The following LCLAT1 variants were observed in gnomAD, a reference collection of about 807,000 sequenced individuals.
LCLAT1 encodes 1-AGP acyltransferase 8.
A neutral mutation model predicts 30.7 loss-of-function variants in LCLAT1; 11 were observed. The ratio of observed to expected loss-of-function variants is 0.36; its 90% CI spans 0.23 to 0.59. The LOEUF (loss-of-function observed/expected upper bound fraction) is 0.59, where lower values mean the gene tolerates loss of function less well. LCLAT1 is among the 20% of genes least tolerant of loss of function. The pLI is 0.77. For synonymous variants in LCLAT1, 155 were observed against 151.3 expected (o/e 1.02, Z -0.18); for missense variants, 402 against 458.6 (o/e 0.88, Z 1.13).
At chr2:30,608,181 C>T (rs577560224) in intron 5 of LCLAT1, among the ~76,000 whole-genome samples, 14 of 151,422 alleles carry the variant, frequency 9.2e-5, no homozygotes, top group African/African-American at 2.4e-4. Flanking sequence ...ATTAGCTGGG[C>T]GTGGTGGCAG....
intron 5 of LCLAT1, among the ~76,000 whole-genome samples, chr2:30,614,572 G>T (rs2148509169): frequency 6.6e-6 from 1 of 152,186 alleles, no homozygotes; most frequent in African/African-American, 2.4e-5. Flanking sequence ...CAAAGACTGT[G>T]GTAAGTACAG....
intron 5 of LCLAT1, among the ~76,000 whole-genome samples, chr2:30,618,810 C>T (rs1385543286): frequency 6.6e-6 from 1 of 152,164 alleles, no homozygotes; most frequent in Admixed American, 6.5e-5. Flanking sequence ...AATCTACTTA[C>T]CAGTTCTAGT....
Position 30,640,100 on chromosome 2 carries a change from A to G in LCLAT1, c.629-17A>G. 1 of 1,595,126 alleles carries G rather than the reference A, an allele frequency of 6.3e-7. No homozygotes were observed. The highest frequency in any genetic ancestry group is 8.5e-7 in the Non-Finnish European group (1 of 1,170,428). ...TGAGCACTGCTTAATCTATGTTTTCATCTTTTCGAAACCCAGGTAAGAACC... is the reference window on the plus strand; with the variant it reads ...TGAGCACTGCTTAATCTATGTTTTCGTCTTTTCGAAACCCAGGTAAGAACC... On this transcript the variant is annotated splice_polypyrimidine_tract_variant and intron_variant, in intron 5 of 5. Coordinates refer to ENST00000379509, the MANE Select transcript of LCLAT1 (RefSeq NM_001002257.3).
chr2:30,476,519 A>G (rs1683054159), intron 1 of LCLAT1: 3 of 456,222 alleles, frequency 6.6e-6, no homozygotes, highest in Non-Finnish European at 1.3e-5. Flanking sequence ...TCTAGGTTGC[A>G]TGTTCCTTAG....
chr2:30,576,850 T>G (rs1666010523), intron 5 of LCLAT1, among the ~76,000 whole-genome samples: 2 of 151,986 alleles, frequency 1.3e-5, no homozygotes, highest in African/African-American at 4.8e-5. Flanking sequence ...GAACCTTTTT[T>G]TGCATTTTTT....
intron 3 of LCLAT1, among the ~76,000 whole-genome samples, chr2:30,538,985 A>G (rs960229539): frequency 2.8e-5 from 4 of 144,390 alleles, no homozygotes; most frequent in African/African-American, 1.0e-4. Flanking sequence ...TTTGAGATGT[A>G]GTCTGGCTCT....
intron 1 of LCLAT1, among the ~76,000 whole-genome samples, chr2:30,480,614 A>G (rs187227016): frequency 1.3e-5 from 2 of 152,260 alleles, no homozygotes; most frequent in East Asian, 1.9e-4. Context: ...CATGCAGGGT[A>G]TGATGCTTCA....
intron 1 of LCLAT1, among the ~76,000 whole-genome samples, chr2:30,488,296 C>A (rs1180037653): frequency 6.6e-6 from 1 of 152,208 alleles, no homozygotes; most frequent in East Asian, 1.9e-4. Context: ...AAATTTCCAA[C>A]ACTAAAATTT....
intron 5 of LCLAT1, among the ~76,000 whole-genome samples, chr2:30,584,748 A>C (rs1447367883): frequency 6.6e-6 from 1 of 152,190 alleles, no homozygotes; most frequent in Non-Finnish European, 1.5e-5. Context: ...CTCTGTAATA[A>C]TTAGAATCCA....
intron 1 of LCLAT1, among the ~76,000 whole-genome samples, chr2:30,485,047 A>G (rs1683497293): frequency 6.6e-6 from 1 of 152,172 alleles, no homozygotes; most frequent in Admixed American, 6.5e-5. Flanking sequence ...ACAGACTGCT[A>G]TATGGTACTA....
At chr2:30,459,468 T>C (rs1681992677) in intron 1 of LCLAT1, 2 of 685,426 alleles carry the variant, frequency 2.9e-6, no homozygotes, top group South Asian at 3.5e-5. Context: ...GTAATCTGTT[T>C]ACTCCATGAA....
intron 5 of LCLAT1, among the ~76,000 whole-genome samples, chr2:30,612,026 A>T (rs1244955416): frequency 6.6e-6 from 1 of 152,096 alleles, no homozygotes; most frequent in Non-Finnish European, 1.5e-5. Context: ...ACAGTAGAAA[A>T]TGAAGCTTTC....
chr2:30,558,899 G>A (rs1665064947), intron 3 of LCLAT1, among the ~76,000 whole-genome samples: 1 of 152,054 alleles, frequency 6.6e-6, no homozygotes. Context: ...CGAAAGACAG[G>A]TACAAGATTA....
At position 30,465,248 on chromosome 2, in the gene LCLAT1, A is replaced by AGAG. The variant is rs111819055; in HGVS notation, c.-5+17876_-5+17878dup. 3.8e-3 allele frequency among the ~76,000 whole-genome samples: 575 copies of AGAG among 152,318 alleles called. 4 individuals are homozygous for AGAG. The highest frequency in any genetic ancestry group is 0.011 in the African/African-American group (456 of 41,568). ...AGGCAGAGGGAGATTATACGTACAC[A>AGAG]GAGGAGGAGGAGGCAGTTGGACCAG... On this transcript the variant is annotated intron_variant, in intron 1 of 5. Transcript: ENST00000379509.
At chr2:30,495,745 T>C (rs1217624760) in intron 1 of LCLAT1, among the ~76,000 whole-genome samples, 1 of 151,988 alleles carries the variant, frequency 6.6e-6, no homozygotes, top group Admixed American at 6.6e-5. Flanking sequence ...GTTAGTAGAG[T>C]GTGAGTCCTG....
At chr2:30,515,497 T>TGG (rs1173226589) in intron 1 of LCLAT1, among the ~76,000 whole-genome samples, 1 of 152,248 alleles carries the variant, frequency 6.6e-6, no homozygotes, top group African/African-American at 2.4e-5. Flanking sequence ...CACTGTCATA[T>TGG]GTTAACTTAA....
intron 1 of LCLAT1, among the ~76,000 whole-genome samples, chr2:30,453,055 T>A (rs1029878257): frequency 6.6e-6 from 1 of 152,160 alleles, no homozygotes; most frequent in African/African-American, 2.4e-5. Context: ...AATGGATTAC[T>A]GTTCTAGGGA....
intron 3 of LCLAT1, among the ~76,000 whole-genome samples, chr2:30,551,272 G>A (rs1423664105): frequency 6.6e-6 from 1 of 152,202 alleles, no homozygotes; most frequent in Non-Finnish European, 1.5e-5. Context: ...TTCCCAAAGT[G>A]CTGAGATTAT....
chr2:30,501,973 A>T (rs976930409), intron 1 of LCLAT1, among the ~76,000 whole-genome samples: 1 of 152,182 alleles, frequency 6.6e-6, no homozygotes, highest in South Asian at 2.1e-4. Flanking sequence ...CAGTTCTTTA[A>T]CGTAAGAAAT....
Sources: gnomAD v4.1 joint callset for allele counts (sites outside exome capture counted in the v4.1 genomes callset) on GRCh38, gnomAD v4.1.1 for gene constraint, MANE v1.5 for transcripts, NCBI Gene and HGNC (gene_info 2026-07-23, HGNC 2026-07-21) for gene names.